DGUOK: variants seen among roughly 807,000 people sequenced by gnomAD.
DGUOK encodes the protein deoxyguanosine kinase, mitochondrial.
In DGUOK, 30 loss-of-function variants were observed where a neutral mutation model predicts 36.6. That is an observed-to-expected ratio of 0.82 (90% CI 0.61 to 1.11). DGUOK has a LOEUF of 1.11. DGUOK is among the 50% of genes most tolerant of loss of function. DGUOK has a pLI of 0.00. For missense variants in DGUOK, 361 were observed against 336.4 expected (o/e 1.07, Z -0.57); for synonymous variants, 145 against 126.3 (o/e 1.15, Z -0.99).
chr2:73,931,919 C>G (rs1681069375), intron 1 of DGUOK, among the ~76,000 whole-genome samples: 1 of 151,934 alleles, frequency 6.6e-6, no homozygotes, highest in African/African-American at 2.4e-5. Flanking sequence ...GTGGTGGCCA[C>G]TTGGAGGTGA....
At chr2:73,937,744 G>A (rs191153675) in intron 1 of DGUOK, among the ~76,000 whole-genome samples, 24 of 152,334 alleles carry the variant, frequency 1.6e-4, no homozygotes, top group Admixed American at 1.4e-3. Context: ...GGAGCTCATG[G>A]AGGTATGGGC....
intron 4 of DGUOK, among the ~76,000 whole-genome samples, chr2:73,953,867 C>T (rs1175808186): frequency 3.3e-5 from 5 of 151,826 alleles, no homozygotes; most frequent in Non-Finnish European, 5.9e-5. Context: ...TACAGGCACC[C>T]GCCACCACAC....
chr2:73,956,853 A>G (rs1482603429), intron 4 of DGUOK, among the ~76,000 whole-genome samples: 2 of 152,222 alleles, frequency 1.3e-5, no homozygotes, highest in East Asian at 3.8e-4. Flanking sequence ...AAAAACAAGG[A>G]AAATTCCAGG....
At chr2:73,951,454 G>A (rs1682698653) in intron 4 of DGUOK, among the ~76,000 whole-genome samples, 1 of 150,186 alleles carries the variant, frequency 6.7e-6, no homozygotes, top group Non-Finnish European at 1.5e-5. Flanking sequence ...GAGTCAAGGT[G>A]AGTTTTTTTT....
chr2:73,957,724 AT>A (rs1354952379), intron 5 of DGUOK, among the ~76,000 whole-genome samples: 1 of 152,140 alleles, frequency 6.6e-6, no homozygotes, highest in African/African-American at 2.4e-5. Context: ...TTTTTATTAG[AT>A]TGTATTTCTC....
chr2:73,956,975 G>GGGGTCGACGT, intron 4 of DGUOK, 150 bp from the exon 5 acceptor site: 1 of 568,366 alleles, frequency 1.8e-6, no homozygotes, highest in East Asian at 3.1e-5. Flanking sequence ...TAGATCCTCT[G>GGGGTCGACGT]ATTGCATAAG....
chr2:73,932,726 C>T (rs374905588), intron 1 of DGUOK: 1 of 1,084,808 alleles, frequency 9.2e-7, no homozygotes, highest in Non-Finnish European at 1.2e-6. Flanking sequence ...TGCTCTAAGT[C>T]CTATTATTCT....
intron 1 of DGUOK, among the ~76,000 whole-genome samples, chr2:73,937,026 G>C (rs182679364): frequency 6.6e-6 from 1 of 152,336 alleles, no homozygotes; most frequent in Admixed American, 6.5e-5. Flanking sequence ...AGTCATATTT[G>C]CAAGAGAACA....
At chr2:73,952,063 G>A (rs1682744315) in intron 4 of DGUOK, among the ~76,000 whole-genome samples, 1 of 152,146 alleles carries the variant, frequency 6.6e-6, no homozygotes, top group Admixed American at 6.5e-5. Context: ...TTAGCTATTG[G>A]GGAGGTGAGA....
intron 2 of DGUOK, among the ~76,000 whole-genome samples, chr2:73,940,450 A>G: frequency 6.6e-6 from 1 of 152,136 alleles, no homozygotes; most frequent in East Asian, 1.9e-4. Context: ...TGGCTGGCAT[A>G]TCATGCCTAT....
intron 1 of DGUOK, among the ~76,000 whole-genome samples, chr2:73,928,375 G>A (rs2104851722): frequency 6.6e-6 from 1 of 152,346 alleles, no homozygotes; most frequent in Admixed American, 6.5e-5. Context: ...TGATCCGCCT[G>A]CCTCGGCCTC....
intron 4 of DGUOK, among the ~76,000 whole-genome samples, chr2:73,955,671 G>A (rs1311076824): frequency 6.6e-6 from 1 of 151,994 alleles, no homozygotes; most frequent in Non-Finnish European, 1.5e-5. Context: ...CCAAGAGATC[G>A]AGACCATCCT....
In DGUOK at chr2:73,958,819, C is replaced by A; in HGVS notation, c.*83C>A. 8.6e-7 allele frequency: 1 copy of A among 1,157,892 alleles called. No individual in the cohort carries two copies. The highest frequency in any genetic ancestry group is 1.3e-6 in the Non-Finnish European group (1 of 763,168). The allele number at this position is 1,157,892 out of a possible 1,614,324, so 71.7% of individuals were successfully genotyped here. ...AATGTTGTGTCTCCCAACCACCTTTCCATCCCCAGCCCCTCTCATCCCTGG... is the reference window on the plus strand; with the variant it reads ...AATGTTGTGTCTCCCAACCACCTTTACATCCCCAGCCCCTCTCATCCCTGG... On this transcript the variant is annotated 3_prime_UTR_variant, in exon 7 of 7. Coordinates refer to ENST00000264093, the MANE Select transcript of DGUOK (RefSeq NM_080916.3).
intron 2 of DGUOK, among the ~76,000 whole-genome samples, chr2:73,939,837 C>T (rs932536032): frequency 2.1e-4 from 32 of 152,170 alleles, no homozygotes; most frequent in African/African-American, 7.0e-4. Context: ...TTTAACTTTT[C>T]GCCGTAACAA....
chr2:73,957,029 G>C (rs1683151376), intron 4 of DGUOK, 96 bp from the exon 5 acceptor site: 1 of 814,038 alleles, frequency 1.2e-6, no homozygotes. Context: ...TAATGCCCAA[G>C]ATAGACATTA....
At chr2:73,953,296 G>C (rs62150596) in intron 4 of DGUOK, among the ~76,000 whole-genome samples, 1 of 35,316 alleles carries the variant, frequency 2.8e-5, no homozygotes. Context: ...CATCATCGTC[G>C]TCGTCGTCGT....
At chr2:73,951,421 G>A (rs781681947) in intron 4 of DGUOK, among the ~76,000 whole-genome samples, 3 of 151,976 alleles carry the variant, frequency 2.0e-5, no homozygotes, top group Non-Finnish European at 2.9e-5. Flanking sequence ...CGATCTCTAA[G>A]GGCTCTTCTG....
At position 73,958,265 on chromosome 2, in the gene DGUOK, C is replaced by G. The variant is rs773782732; in HGVS notation, c.807+20C>G. On this transcript the variant is annotated intron_variant, in intron 6 of 6. Coordinates refer to ENST00000264093, the MANE Select transcript of DGUOK (RefSeq NM_080916.3). ...AGAGAGGTGGGAAGGACTTTAACTC[C>G]TGTTTTCTGGTGGTTTCCTTTGTTG... 5.7e-6 allele frequency: 9 copies of G among 1,578,174 alleles called. No individual in the cohort carries two copies. In the African/African-American group the frequency reaches 1.2e-4, roughly 21 times the overall value.
chr2:73,950,676 G>A lies in DGUOK; in HGVS notation c.535G>A (p.Glu179Lys). The A allele has an allele frequency of 6.2e-7, 1 of 1,614,144 alleles. No individual in the cohort carries two copies. Among genetic ancestry groups the A allele is most frequent in the South Asian group, 1.1e-5 (1 of 91,086 alleles). Residue 179 changes from glutamate (E) to lysine (K), a missense_variant, in exon 4 of 7, where the codon GAG becomes AAG. Transcript: ENST00000264093. Reference sequence around the variant, plus strand: ...GGACTGGCATTCTTTTCTCCTGTGGGAGTTTGCCAGCCGGATCACATTACA... The same window carrying A: ...GGACTGGCATTCTTTTCTCCTGTGGAAGTTTGCCAGCCGGATCACATTACA... The part of the protein sequence containing the change: ...YQDWHSFLLW[E>K]FASRITLHGF...
Sources: allele counts gnomAD v4.1 joint callset (sites outside exome capture counted in the v4.1 genomes callset), GRCh38; gene constraint gnomAD v4.1.1; transcripts MANE v1.5; gene names NCBI Gene and HGNC (gene_info 2026-07-23, HGNC 2026-07-21).